LUZP1: variants seen among roughly 807,000 people sequenced by gnomAD.
LUZP1 encodes the protein filamin mechanobinding actin cross-linking protein.
In LUZP1, 25 loss-of-function variants were observed where a neutral mutation model predicts 71.3. The observed-to-expected ratio is 0.35, with a 90% confidence interval of 0.26 to 0.49. The LOEUF is 0.49. Ranked by LOEUF, LUZP1 falls within the 20% of genes least tolerant of loss-of-function variation. The pLI, the probability that LUZP1 is intolerant of heterozygous loss-of-function variation, is 0.99. For missense variants in LUZP1, 1,142 were observed against 1,300.8 expected (o/e 0.88, Z 1.88); for synonymous variants, 481 against 506.4 (o/e 0.95, Z 0.67).
At chr1:23,141,963 G>A (rs866059850) in intron 2 of LUZP1, among the ~76,000 whole-genome samples, 65 of 151,950 alleles carry the variant, frequency 4.3e-4, no homozygotes, top group African/African-American at 1.3e-3. Flanking sequence ...TCCTGCCTCA[G>A]CCTCCCATGT....
At chr1:23,101,713 C>T (rs1643932809) in intron 3 of LUZP1, among the ~76,000 whole-genome samples, 1 of 152,156 alleles carries the variant, frequency 6.6e-6, no homozygotes, top group Non-Finnish European at 1.5e-5. Context: ...TTATCTCTGA[C>T]CTTTTGGCCC....
chr1:23,161,450 T>C (rs754363424), intron 2 of LUZP1, among the ~76,000 whole-genome samples: 1 of 151,904 alleles, frequency 6.6e-6, no homozygotes. Flanking sequence ...GGCCCTGAGG[T>C]AGGAAACAGC....
intron 3 of LUZP1, among the ~76,000 whole-genome samples, chr1:23,108,008 T>C (rs951777018): frequency 1.3e-5 from 2 of 152,146 alleles, no homozygotes; most frequent in Non-Finnish European, 2.9e-5. Context: ...AGCTACCCTA[T>C]TGCTCTACTT....
exon 4 of LUZP1, chr1:23,092,950 C>T (rs750833135): frequency 6.2e-7 from 1 of 1,614,158 alleles, no homozygotes; most frequent in Admixed American, 1.7e-5. Context: ...GTACTCACCC[C>T]CATGTGAGAA....
chr1:23,093,569 A>G lies in LUZP1; in HGVS notation c.693T>C (p.Asn231=). The stretch of plus-strand genomic sequence containing the variant: ...GGTCATTTCTTTCCAGATTAGAAGC[A>G]TTCCTTGTATAATCTCGGTTCATTT... Residue 231 remains asparagine, a synonymous_variant, in exon 4 of 5, where the codon AAT becomes AAC. Coordinates refer to ENST00000302291, the Ensembl canonical transcript of LUZP1. The surrounding 1 kb of genome is among the most constrained non-coding windows in gnomAD (Gnocchi z 4.2). 1 of 1,613,906 alleles carries G rather than the reference A, an allele frequency of 6.2e-7. No individual in the cohort carries two copies. Among genetic ancestry groups the G allele is most frequent in the Non-Finnish European group, 8.5e-7 (1 of 1,179,978 alleles).
At chr1:23,116,930 T>G (rs1644084116) in intron 2 of LUZP1, among the ~76,000 whole-genome samples, 1 of 152,206 alleles carries the variant, frequency 6.6e-6, no homozygotes, top group South Asian at 2.1e-4. Flanking sequence ...GTGTATCTCA[T>G]CTCTTAAAAT....
intron 2 of LUZP1, among the ~76,000 whole-genome samples, chr1:23,120,227 G>A (rs1644119570): frequency 6.6e-6 from 1 of 151,364 alleles, no homozygotes; most frequent in Non-Finnish European, 1.5e-5. Flanking sequence ...ATAGACATGA[G>A]ACACGGCACC....
intron 2 of LUZP1, among the ~76,000 whole-genome samples, chr1:23,117,454 C>CTCTCTCTCT (rs1491549231): frequency 7.5e-5 from 1 of 13,358 alleles, no homozygotes; most frequent in African/African-American, 4.5e-4. Context: ...TTTTTTTTTT[C>CTCTCTCTCT]CTCTCTCTCT....
intron 2 of LUZP1, 145 bp downstream of exon 1, chr1:23,168,621 A>AC (rs3831173): frequency 0.52 from 77,628 of 149,218 alleles, 20,868 homozygotes; most frequent in African/African-American, 0.66. Context: ...CCAACTCCAC[A>AC]CCCCATCTCT....
chr1:23,157,342 A>G (rs1333976771), intron 2 of LUZP1, among the ~76,000 whole-genome samples: 1 of 152,214 alleles, frequency 6.6e-6, no homozygotes, highest in South Asian at 2.1e-4. Flanking sequence ...AATAAAAAAA[A>G]AATAACTTCC....
intron 4 of LUZP1, among the ~76,000 whole-genome samples, chr1:23,090,051 C>T (rs1357668860): frequency 6.6e-6 from 1 of 152,194 alleles, no homozygotes; most frequent in Non-Finnish European, 1.5e-5. Flanking sequence ...AGCCACCACG[C>T]CTGGCCAGAA....
chr1:23,093,263 GT>G lies in LUZP1; in HGVS notation c.998del (p.Asn333ThrfsTer4). ...CCTCCAGTTGGCTGGCTAATAATTT[GT>G]TTTTATTTTGTTCACTTAGGTAATT... On this transcript the variant is annotated frameshift_variant, in exon 4 of 5. Transcript: ENST00000302291. LOFTEE classifies it high-confidence loss of function. The surrounding 1 kb of genome is among the most constrained non-coding windows in gnomAD (Gnocchi z 4.2). 1 of 1,612,182 alleles carries G rather than the reference GT, an allele frequency of 6.2e-7. No individual in the cohort carries two copies. The highest frequency in any genetic ancestry group is 8.5e-7 in the Non-Finnish European group (1 of 1,179,576).
At chr1:23,092,139 T>C in exon 4 of LUZP1, 3 of 1,614,212 alleles carry the variant, frequency 1.9e-6, no homozygotes, top group Admixed American at 1.7e-5. Context: ...AGCATCTTTA[T>C]CATTCTCAAA....
chr1:23,163,401 T>G (rs1371478836), intron 2 of LUZP1, among the ~76,000 whole-genome samples: 1 of 151,302 alleles, frequency 6.6e-6, no homozygotes. Flanking sequence ...AAAAAAATGT[T>G]TCTTAATTAG....
intron 3 of LUZP1, among the ~76,000 whole-genome samples, chr1:23,101,218 G>A (rs929834173): frequency 4.6e-5 from 7 of 152,124 alleles, no homozygotes; most frequent in African/African-American, 1.7e-4. Context: ...GTTACTCCAC[G>A]GAGGTTTTCC....
chr1:23,111,790 A>G (rs1342069635), intron 2 of LUZP1, among the ~76,000 whole-genome samples: 1 of 146,560 alleles, frequency 6.8e-6, no homozygotes, highest in African/African-American at 2.5e-5. Context: ...CACACACAAC[A>G]CCCACACACA....
At chr1:23,126,538 C>T (rs1187690194) in intron 2 of LUZP1, among the ~76,000 whole-genome samples, 2 of 152,204 alleles carry the variant, frequency 1.3e-5, no homozygotes, top group African/African-American at 4.8e-5. Flanking sequence ...CTCTCTCTCA[C>T]TGAATGTAAG....
chr1:23,135,696 T>C (rs1250847314), intron 2 of LUZP1, among the ~76,000 whole-genome samples: 3 of 152,200 alleles, frequency 2.0e-5, no homozygotes, highest in African/African-American at 2.4e-5. Context: ...TAGAGATACA[T>C]GTAACTGTTT....
chr1:23,170,506 G>C (rs1223764751), intron 1 of LUZP1, among the ~76,000 whole-genome samples: 1 of 124,588 alleles, frequency 8.0e-6, no homozygotes, highest in Non-Finnish European at 1.6e-5. Context: ...CTCTCTTGTC[G>C]CCCAGGCTGG....
Sources: allele counts gnomAD v4.1 joint callset (sites outside exome capture counted in the v4.1 genomes callset), GRCh38; gene constraint gnomAD v4.1.1; non-coding constraint Gnocchi (gnomAD v3.1); transcripts MANE v1.5; gene names NCBI Gene and HGNC (gene_info 2026-07-23, HGNC 2026-07-21).